The following FRMD1 variants were observed in gnomAD, a reference collection of about 807,000 sequenced individuals.
The protein encoded by FRMD1 is FERM domain-containing protein 1.
FRMD1 carries 51 observed loss-of-function variants against 54.9 expected under a neutral mutation model. The ratio of observed to expected loss-of-function variants is 0.93; its 90% CI spans 0.74 to 1.17. The LOEUF (loss-of-function observed/expected upper bound fraction) is 1.17, where lower values mean the gene tolerates loss of function less well. Ranked by LOEUF, FRMD1 falls within the 50% of genes most tolerant of loss-of-function variation. FRMD1 has a pLI of 0.00. For synonymous variants in FRMD1, 324 were observed against 306.4 expected (o/e 1.06, Z -0.60); for missense variants, 729 against 743.0 (o/e 0.98, Z 0.22).
chr6:168,063,802 C>T, intron 5 of FRMD1, 46 bp from the exon 6 acceptor site: 5 of 1,552,122 alleles, frequency 3.2e-6, no homozygotes, highest in Non-Finnish European at 4.4e-6. Context: ...GCTGGTCCCC[C>T]CTTCCTCCTT....
Position 168,060,834 on chromosome 6 carries a change from C to T in FRMD1, c.1269G>A (p.Gly423=), listed in dbSNP as rs774904463. ...TGGAGGACGGCTCCTTCTCATGGAG[C>T]CCGTGGACCTCCAAGGGCACGTCCA... The part of the protein sequence containing the change: ...MSVDVPLEVH[G]LHEKEPSSSP... The change falls in exon 9 of 11, where the codon GGG becomes GGA. Residue 423 remains glycine (G), a synonymous_variant. Transcript: ENST00000283309. The T allele has an allele frequency of 2.2e-5, 36 of 1,613,452 alleles. 1 individual carries two copies. In the East Asian group the frequency reaches 4.0e-4, roughly 18 times the overall value.
chr6:168,057,182 C>A lies in FRMD1; in HGVS notation c.1565G>T (p.Arg522Met). Residue 522 changes from arginine to methionine, a missense_variant, in exon 11 of 11, where the codon AGG (arginine) becomes ATG (methionine). Arg to Met is a moderately conservative substitution (Grantham distance 91). Transcript: ENST00000283309. ...GGACCTCTTGCTGGGGAGAGTGGCCCTGGTCTCGCAGGGGCCTGCCAGCCT... is the reference window on the plus strand; with the variant it reads ...GGACCTCTTGCTGGGGAGAGTGGCCATGGTCTCGCAGGGGCCTGCCAGCCT... Reference protein sequence around the residue: ...DCRLAGPCETRATLPSKRSSN... With the variant: ...DCRLAGPCETMATLPSKRSSN... 6.3e-7 allele frequency: 1 copy of A among 1,593,818 alleles called. No individual in the cohort carries two copies. The highest frequency in any genetic ancestry group is 2.3e-5 in the East Asian group (1 of 44,274).
intron 2 of FRMD1, among the ~76,000 whole-genome samples, chr6:168,069,552 G>A (rs1189738883): frequency 1.3e-5 from 2 of 152,190 alleles, no homozygotes; most frequent in African/African-American, 4.8e-5. Context: ...TAAAGGATCT[G>A]GGGTTACCTT....
Position 168,058,170 on chromosome 6 carries a change from C to T in FRMD1, c.1408-831G>A, listed in dbSNP as rs548156516. Among the ~76,000 whole-genome samples, 86 of 148,214 alleles carry T rather than the reference C, an allele frequency of 5.8e-4. No individual in the cohort carries two copies. The South Asian group carries it at 0.016, about 27-fold the overall frequency. On this transcript the variant is annotated intron_variant, in intron 10 of 10. Transcript: ENST00000283309. ...CCCTGTTCTCTCTCCATCCAGCCTC[C>T]GGTGCCCAGCCCTGTTCTCTCTCCA...
At chr6:168,074,989 C>G (rs1041960815) in intron 2 of FRMD1, among the ~76,000 whole-genome samples, 1 of 146,276 alleles carries the variant, frequency 6.8e-6, no homozygotes, top group African/African-American at 2.6e-5. Flanking sequence ...TGGTGTGTAA[C>G]TGTGTGCACT....
chr6:168,088,828 C>A (rs557380562), intron 1 of FRMD1, among the ~76,000 whole-genome samples: 2 of 152,376 alleles, frequency 1.3e-5, no homozygotes, highest in East Asian at 3.9e-4. Flanking sequence ...TAAACACATG[C>A]GCTACTAACC....
intron 10 of FRMD1, among the ~76,000 whole-genome samples, chr6:168,058,658 C>T (rs914523528): frequency 5.3e-5 from 8 of 152,208 alleles, no homozygotes; most frequent in Non-Finnish European, 1.0e-4. Flanking sequence ...CTCGCTTCTC[C>T]TCTAGCTCCT....
chr6:168,059,085 A>G lies in FRMD1; in HGVS notation c.1407+39T>C. 1 of 1,492,244 alleles carries G rather than the reference A, an allele frequency of 6.7e-7. No individual in the cohort carries two copies. Among genetic ancestry groups the G allele is most frequent in the Non-Finnish European group, 9.1e-7 (1 of 1,101,452 alleles). The allele number at this position is 1,492,244 out of a possible 1,614,324, so 92.4% of individuals were successfully genotyped here. On this transcript the variant is annotated intron_variant, in intron 10 of 10. Coordinates refer to ENST00000283309, the MANE Select transcript of FRMD1 (RefSeq NM_024919.6). This position sits in a 1 kb window ranked among gnomAD's most constrained non-coding sequence, Gnocchi z 4.4. ...GGGACCTAGGAGAAGGGGGTGGAGG[A>G]GCAGGGCCAGGGCTTCTGGCCCGTG...
chr6:168,086,750 T>C (rs1186324762), intron 1 of FRMD1, among the ~76,000 whole-genome samples: 1 of 152,188 alleles, frequency 6.6e-6, no homozygotes, highest in Non-Finnish European at 1.5e-5. Context: ...CTGCTGTCCT[T>C]GTGGAACAAG....
chr6:168,087,968 CAG>C (rs964847990), intron 1 of FRMD1, among the ~76,000 whole-genome samples: 25 of 152,138 alleles, frequency 1.6e-4, no homozygotes, highest in Non-Finnish European at 1.6e-4. Flanking sequence ...AGGTCAGACA[CAG>C]AGTGTCAGTG....
intron 1 of FRMD1, among the ~76,000 whole-genome samples, chr6:168,076,683 A>C (rs901892305): frequency 2.8e-4 from 43 of 152,186 alleles, no homozygotes; most frequent in Non-Finnish European, 7.3e-5. Context: ...TTCCTTTATA[A>C]ATTACCAAGT....
intron 1 of FRMD1, among the ~76,000 whole-genome samples, chr6:168,086,654 G>A (rs1800926548): frequency 6.6e-6 from 1 of 152,262 alleles, no homozygotes; most frequent in Non-Finnish European, 1.5e-5. Flanking sequence ...TGCCGCCCAT[G>A]TTCCCACTGT....
intron 1 of FRMD1, among the ~76,000 whole-genome samples, chr6:168,092,296 A>G (rs1801028170): frequency 6.6e-6 from 1 of 152,198 alleles, no homozygotes; most frequent in African/African-American, 2.4e-5. Context: ...AATGTTCTCG[A>G]TAAAGACTCA....
chr6:168,062,828 TG>T, intron 7 of FRMD1, 65 bp downstream of exon 7: 2 of 1,601,364 alleles, frequency 1.2e-6, no homozygotes, highest in Non-Finnish European at 1.7e-6. Context: ...CAGACTCCAG[TG>T]GGGAAGGGAG....
At chr6:168,076,366 C>T (rs1226900739) in intron 1 of FRMD1, among the ~76,000 whole-genome samples, 1 of 152,204 alleles carries the variant, frequency 6.6e-6, no homozygotes, top group Non-Finnish European at 1.5e-5. Flanking sequence ...GTAAGACTGA[C>T]TTCCTTATTG....
intron 1 of FRMD1, among the ~76,000 whole-genome samples, chr6:168,087,212 G>A (rs915620067): frequency 2.0e-5 from 3 of 152,066 alleles, no homozygotes; most frequent in Non-Finnish European, 2.9e-5. Flanking sequence ...GACCACAGGC[G>A]GGAGCCACCA....
chr6:168,066,179 A>G, intron 4 of FRMD1: 1 of 987,174 alleles, frequency 1.0e-6, no homozygotes, highest in South Asian at 4.7e-5. Context: ...CCCACCCTAG[A>G]GAGTACGAGT....
intron 4 of FRMD1, 74 bp from the exon 5 acceptor site, chr6:168,065,131 C>T: frequency 6.6e-7 from 1 of 1,508,584 alleles, no homozygotes; most frequent in Non-Finnish European, 8.9e-7. Flanking sequence ...CTGCCTTGTC[C>T]CTCCCCACAC....
At chr6:168,076,325 C>T (rs540389059) in intron 1 of FRMD1, among the ~76,000 whole-genome samples, 28 of 152,368 alleles carry the variant, frequency 1.8e-4, no homozygotes, top group South Asian at 4.1e-4. Flanking sequence ...GAGTATCCAG[C>T]TTACTAATCC....
Sources: gnomAD v4.1 joint callset for allele counts (sites outside exome capture counted in the v4.1 genomes callset) on GRCh38, gnomAD v4.1.1 for gene constraint, Gnocchi (gnomAD v3.1) non-coding constraint, MANE v1.5 for transcripts, NCBI Gene and HGNC (gene_info 2026-07-23, HGNC 2026-07-21) for gene names.